Variants in PCDHGB7 observed in about 807,000 individuals in gnomAD.
The protein encoded by PCDHGB7 is protocadherin gamma subfamily B, 7.
A neutral mutation model predicts 61.4 loss-of-function variants in PCDHGB7; 37 were observed. That is an observed-to-expected ratio of 0.60 (90% CI 0.46 to 0.79). PCDHGB7 has a LOEUF of 0.79. PCDHGB7 is among the 30% of genes least tolerant of loss of function. PCDHGB7 has a pLI of 0.00. For missense variants in PCDHGB7, 1,166 were observed against 1,202.5 expected (o/e 0.97, Z 0.45); for synonymous variants, 464 against 503.5 (o/e 0.92, Z 1.05).
In PCDHGB7 at chr5:141,489,183, G is replaced by A. The variant is rs2099683673; in HGVS notation, c.2416-5624G>A. 7.9e-7 allele frequency: 1 copy of A among 1,270,400 alleles called. No individual in the cohort carries two copies. Among genetic ancestry groups the A allele is most frequent in the Non-Finnish European group, 1.1e-6 (1 of 913,958 alleles). The allele number at this position is 1,270,400 out of a possible 1,614,324, so 78.7% of individuals were successfully genotyped here. A position where few individuals can be genotyped will look rare whatever the true frequency, so the allele number is the denominator to read the frequency against. ...TTCAGCTGCTGCATTCCAAGCCCTGGGTCTACCTTGGAGACAGGACAGCAC... is the reference window on the plus strand; with the variant it reads ...TTCAGCTGCTGCATTCCAAGCCCTGAGTCTACCTTGGAGACAGGACAGCAC... On this transcript the variant is annotated intron_variant, in intron 1 of 3. Transcript: ENST00000398594. The surrounding 1 kb of genome is among the most constrained non-coding windows in gnomAD (Gnocchi z 4.5).
chr5:141,463,814 C>T (rs1359662651), intron 1 of PCDHGB7, among the ~76,000 whole-genome samples: 7 of 152,188 alleles, frequency 4.6e-5, no homozygotes, highest in African/African-American at 1.7e-4. Flanking sequence ...GCTTTTATCA[C>T]ACATTTTGAT....
intron 1 of PCDHGB7, chr5:141,421,009 T>G (rs948913987): frequency 1.9e-6 from 1 of 515,496 alleles, no homozygotes. Context: ...AATCAGGGAA[T>G]GGGAAGCTGC....
At position 141,487,030 on chromosome 5, in the gene PCDHGB7, T is replaced by C. The variant is rs773121109; in HGVS notation, c.2416-7777T>C. Reference sequence around the variant, plus strand: ...TGGAGGCCCCAGATCCCAGCCTGTTTGCAGTCTCTCGATATGCTGGGGAGG... The same window carrying C: ...TGGAGGCCCCAGATCCCAGCCTGTTCGCAGTCTCTCGATATGCTGGGGAGG... On this transcript the variant is annotated intron_variant, in intron 1 of 3. Coordinates refer to ENST00000398594, the MANE Select transcript of PCDHGB7 (RefSeq NM_018927.4). The surrounding 1 kb of genome is among the most constrained non-coding windows in gnomAD (Gnocchi z 5.0). 12 of 1,614,100 alleles carry C rather than the reference T, an allele frequency of 7.4e-6. No homozygotes were observed. Among genetic ancestry groups the C allele is most frequent in the Non-Finnish European group, 1.0e-5 (12 of 1,180,044 alleles).
At position 141,476,639 on chromosome 5, in the gene PCDHGB7, A is replaced by G; in HGVS notation, c.2416-18168A>G. 1.2e-6 allele frequency: 2 copies of G among 1,614,206 alleles called. No individual in the cohort carries two copies. Among genetic ancestry groups the G allele is most frequent in the Non-Finnish European group, 1.7e-6 (2 of 1,180,038 alleles). On this transcript the variant is annotated intron_variant, in intron 1 of 3. Transcript: ENST00000398594. The surrounding 1 kb of genome is among the most constrained non-coding windows in gnomAD (Gnocchi z 7.6). ...CAACTCTTTACAAACCTATGAGCTG[A>G]GCCGAAATGAATACTTTGCGCTTCG...
intron 1 of PCDHGB7, among the ~76,000 whole-genome samples, chr5:141,461,824 T>C (rs958063237): frequency 1.3e-5 from 2 of 151,968 alleles, no homozygotes; most frequent in African/African-American, 4.8e-5. Flanking sequence ...CAGCTAATTT[T>C]TTTTTCTTTT....
chr5:141,462,007 G>C (rs2099028604), intron 1 of PCDHGB7, among the ~76,000 whole-genome samples: 1 of 152,188 alleles, frequency 6.6e-6, no homozygotes, highest in South Asian at 2.1e-4. Context: ...ATTTTTAATA[G>C]AGACGGGGTT....
In PCDHGB7 at chr5:141,511,007, G is replaced by C. The variant is rs780918754; in HGVS notation, c.2624G>C (p.Arg875Pro). Residue 875 changes from arginine to proline, a missense_variant, in exon 4 of 4, where the codon CGC (arginine) becomes CCC (proline). Physicochemically the swap from Arg to Pro is moderately radical, Grantham distance 103. Coordinates refer to ENST00000398594, the MANE Select transcript of PCDHGB7 (RefSeq NM_018927.4). Reference protein sequence around the residue: ...GGAGTMGLSARYGPQFTLQHV... With the variant: ...GGAGTMGLSAPYGPQFTLQHV... ...GCCGGCACCATGGGATTGAGCGCCC[G>C]CTACGGACCCCAGTTCACCCTGCAG... The C allele has an allele frequency of 1.9e-6, 3 of 1,614,042 alleles. No homozygotes were observed. The highest frequency in any genetic ancestry group is 2.7e-5 in the African/African-American group (2 of 74,910).
intron 2 of PCDHGB7, among the ~76,000 whole-genome samples, chr5:141,501,279 A>T (rs1180397181): frequency 3.0e-5 from 4 of 135,444 alleles, no homozygotes. Context: ...AGTCTATGGG[A>T]TATTCCCTTA....
rs777115265 is a variant in PCDHGB7, at chr5:141,485,247, G to C, written c.2416-9560G>C. ...CTTTTGTTCCTCTTTTACCACCTGG[G>C]TTACGTTTGTGGGCAGATCCGCTAC... On this transcript the variant is annotated intron_variant, in intron 1 of 3. Coordinates refer to ENST00000398594, the MANE Select transcript of PCDHGB7 (RefSeq NM_018927.4). This position sits in a 1 kb window ranked among gnomAD's most constrained non-coding sequence, Gnocchi z 5.7. 8.7e-6 allele frequency: 14 copies of C among 1,614,156 alleles called. No homozygotes were observed. In the African/African-American group the frequency reaches 1.6e-4, roughly 18 times the overall value.
intron 1 of PCDHGB7, among the ~76,000 whole-genome samples, chr5:141,483,997 T>G (rs2099590025): frequency 8.6e-5 from 6 of 69,516 alleles, no homozygotes; most frequent in East Asian, 4.4e-4. Context: ...TGCTGGGAGG[T>G]CTGGATGAGG....
At chr5:141,492,121 C>G (rs1205499685) in intron 1 of PCDHGB7, among the ~76,000 whole-genome samples, 1 of 152,232 alleles carries the variant, frequency 6.6e-6, no homozygotes, top group Non-Finnish European at 1.5e-5. Context: ...CGATTTCTCC[C>G]CAGCTCCCAG....
At chr5:141,475,491 C>T (rs1321482409) in intron 1 of PCDHGB7, among the ~76,000 whole-genome samples, 2 of 152,202 alleles carry the variant, frequency 1.3e-5, no homozygotes, top group African/African-American at 4.8e-5. Flanking sequence ...AGAGATAAAA[C>T]TGAAATTATT....
At chr5:141,426,882 C>A (rs528411309) in intron 1 of PCDHGB7, 1 of 456,664 alleles carries the variant, frequency 2.2e-6, no homozygotes, top group African/African-American at 2.0e-5. Context: ...GCCCCTGGGC[C>A]AGGAGCAACA....
intron 1 of PCDHGB7, among the ~76,000 whole-genome samples, chr5:141,467,903 C>G (rs1256664266): frequency 6.6e-6 from 1 of 152,156 alleles, no homozygotes. Context: ...AAGAAATCCG[C>G]CCACCTCAGC....
chr5:141,489,999 G>C lies in PCDHGB7; in HGVS notation c.2416-4808G>C, dbSNP rs772783990. Reference sequence around the variant, plus strand: ...CAGTTCTACGTGTGGGAATCCCAGAGAATGCACCCATTGGTACTCTGCTGC... The same window carrying C: ...CAGTTCTACGTGTGGGAATCCCAGACAATGCACCCATTGGTACTCTGCTGC... On this transcript the variant is annotated intron_variant, in intron 1 of 3. Coordinates refer to ENST00000398594, the MANE Select transcript of PCDHGB7 (RefSeq NM_018927.4). This position sits in a 1 kb window ranked among gnomAD's most constrained non-coding sequence, Gnocchi z 4.5. 6.2e-7 allele frequency: 1 copy of C among 1,614,242 alleles called. No individual in the cohort carries two copies. Among genetic ancestry groups the C allele is most frequent in the East Asian group, 2.2e-5 (1 of 44,886 alleles).
Position 141,418,906 on chromosome 5 carries a change from C to T in PCDHGB7, c.1047C>T (p.Ile349=). The change falls in exon 1 of 4, where the codon ATC becomes ATT. Residue 349 remains isoleucine (I), a synonymous_variant. Coordinates refer to ENST00000398594, the MANE Select transcript of PCDHGB7 (RefSeq NM_018927.4). The part of the protein sequence containing the change: ...DENDNSPEII[I]TSLSDQIMED... ...ACGACAACAGCCCAGAAATAATCATCACGTCACTCTCTGATCAGATTATGG... is the reference window on the plus strand; with the variant it reads ...ACGACAACAGCCCAGAAATAATCATTACGTCACTCTCTGATCAGATTATGG... 6.2e-7 allele frequency: 1 copy of T among 1,613,908 alleles called. No individual in the cohort carries two copies. Among genetic ancestry groups the T allele is most frequent in the Non-Finnish European group, 8.5e-7 (1 of 1,179,794 alleles).
Position 141,491,498 on chromosome 5 carries a change from C to G in PCDHGB7, c.2416-3309C>G. Reference sequence around the variant, plus strand: ...TCCAGCCCCAACCTGCAGGTGAGCTCGGACGGCACGCTCAAGTACATGGAG... The same window carrying G: ...TCCAGCCCCAACCTGCAGGTGAGCTGGGACGGCACGCTCAAGTACATGGAG... On this transcript the variant is annotated intron_variant, in intron 1 of 3. Transcript: ENST00000398594. The surrounding 1 kb of genome is among the most constrained non-coding windows in gnomAD (Gnocchi z 6.9). The G allele has an allele frequency of 6.2e-7, 1 of 1,614,102 alleles. No homozygotes were observed. Among genetic ancestry groups the G allele is most frequent in the Non-Finnish European group, 8.5e-7 (1 of 1,180,018 alleles).
chr5:141,451,314 G>A (rs1286009420), intron 1 of PCDHGB7, among the ~76,000 whole-genome samples: 1 of 152,218 alleles, frequency 6.6e-6, no homozygotes, highest in Non-Finnish European at 1.5e-5. Context: ...AGCAATTAAA[G>A]TGTCACCTAA....
Position 141,418,663 on chromosome 5 carries a change from C to T in PCDHGB7, c.804C>T (p.Asp268=). The part of the protein sequence containing the change: ...GTSILRVKAT[D]QDEGINSEIT... ...CCATCCTGAGAGTGAAGGCCACTGA[C>T]CAGGACGAGGGCATCAACTCAGAGA... Residue 268 remains aspartate (D), a synonymous_variant, in exon 1 of 4, where the codon GAC becomes GAT. Transcript: ENST00000398594. 6.2e-7 allele frequency: 1 copy of T among 1,613,960 alleles called. No individual in the cohort carries two copies. Among genetic ancestry groups the T allele is most frequent in the South Asian group, 1.1e-5 (1 of 91,088 alleles).
Sources: gnomAD v4.1 joint callset for allele counts (sites outside exome capture counted in the v4.1 genomes callset) on GRCh38, gnomAD v4.1.1 for gene constraint, Gnocchi (gnomAD v3.1) non-coding constraint, MANE v1.5 for transcripts, NCBI Gene and HGNC (gene_info 2026-07-23, HGNC 2026-07-21) for gene names.